The following ANKRD16 variants were observed in gnomAD, a reference collection of about 807,000 sequenced individuals.
The protein encoded by ANKRD16 is ankyrin repeat domain-containing protein 16.
A neutral mutation model predicts 37.9 loss-of-function variants in ANKRD16; 35 were observed. The ratio of observed to expected loss-of-function variants is 0.92; its 90% CI spans 0.71 to 1.23. ANKRD16 has a LOEUF of 1.23. Ranked by LOEUF, ANKRD16 falls within the 50% of genes most tolerant of loss-of-function variation. The pLI, the probability that ANKRD16 is intolerant of heterozygous loss-of-function variation, is 0.00. For missense variants in ANKRD16, 480 were observed against 469.9 expected (o/e 1.02, Z -0.20); for synonymous variants, 206 against 197.2 (o/e 1.04, Z -0.37).
At position 5,870,981 on chromosome 10, in the gene ANKRD16, G is replaced by A. The variant is rs561862927; in HGVS notation, c.*33+7116C>T. Among the ~76,000 whole-genome samples, 1 of 152,184 alleles carries A rather than the reference G, an allele frequency of 6.6e-6. No individual in the cohort carries two copies. Among genetic ancestry groups the A allele is most frequent in the South Asian group, 2.1e-4 (1 of 4,832 alleles). On this transcript the variant is annotated intron_variant, in intron 7 of 7. Transcript: ENST00000380094. The surrounding 1 kb of genome is among the most constrained non-coding windows in gnomAD (Gnocchi z 5.0). ...TTTTCAGCATGGTAGGAGGAGGCAGGTTCTGCAAATGCTGCAGGGTGGGTT... is the reference window on the plus strand; with the variant it reads ...TTTTCAGCATGGTAGGAGGAGGCAGATTCTGCAAATGCTGCAGGGTGGGTT...
chr10:5,875,729 T>G (rs1842172692), intron 7 of ANKRD16, among the ~76,000 whole-genome samples: 4 of 150,924 alleles, frequency 2.7e-5, no homozygotes, highest in Admixed American at 1.3e-4. Flanking sequence ...TTTTTTTTTT[T>G]TGAGACAGAG....
intron 5 of ANKRD16, among the ~76,000 whole-genome samples, chr10:5,881,438 T>TTA (rs869185709): frequency 0.036 from 1,827 of 50,450 alleles, 13 homozygotes; most frequent in Non-Finnish European, 0.041. Flanking sequence ...AAAATATTAT[T>TTA]TATATATATA....
rs577279705 is a variant in ANKRD16, at chr10:5,863,290, G to A, written c.*34-599C>T. On this transcript the variant is annotated intron_variant, in intron 7 of 7. Coordinates refer to ENST00000380094, the MANE Select transcript of ANKRD16 (RefSeq NM_019046.3). The surrounding 1 kb of genome is among the most constrained non-coding windows in gnomAD (Gnocchi z 4.7). ...CACTGGGCCTGAGGTGAATGTTACT[G>A]TGCTGTACGCTCACAAAGTTAGAGG... Among the ~76,000 whole-genome samples the A allele has an allele frequency of 6.8e-4, 103 of 152,082 alleles. No homozygotes were observed. The highest frequency in any genetic ancestry group is 3.3e-3 in the South Asian group (16 of 4,802).
In ANKRD16 at chr10:5,878,394, C is replaced by A. The variant is rs1415806590; in HGVS notation, c.929-107G>T. 1.9e-5 allele frequency: 20 copies of A among 1,036,154 alleles called. No homozygotes were observed. 64.2% of individuals were successfully genotyped at this position (1,036,154 alleles called of 1,614,324 possible). ...AAAATATCAATTCTTTCAATATCTT[C>A]CGTAATCCATCTTCACAACTTCACC... On this transcript the variant is annotated intron_variant, in intron 6 of 7. Coordinates refer to ENST00000380094, the MANE Select transcript of ANKRD16 (RefSeq NM_019046.3). The surrounding 1 kb of genome is among the most constrained non-coding windows in gnomAD (Gnocchi z 5.1).
chr10:5,873,663 G>A (rs969687709), intron 7 of ANKRD16, among the ~76,000 whole-genome samples: 4 of 152,076 alleles, frequency 2.6e-5, no homozygotes, highest in East Asian at 1.9e-4. Context: ...GCAACGTCCT[G>A]GGTTAAATTA....
At chr10:5,881,908 C>T (rs1446504572) in intron 5 of ANKRD16, among the ~76,000 whole-genome samples, 2 of 151,630 alleles carry the variant, frequency 1.3e-5, no homozygotes, top group Admixed American at 6.6e-5. Context: ...AGGATGGTCT[C>T]GATCTCCTGA....
intron 5 of ANKRD16, among the ~76,000 whole-genome samples, chr10:5,880,825 T>C (rs1407903037): frequency 6.6e-6 from 1 of 152,216 alleles, no homozygotes; most frequent in Non-Finnish European, 1.5e-5. Flanking sequence ...ATTTTTTTTC[T>C]TTTGGCAGAG....
Position 5,863,011 on chromosome 10 carries a change from C to T in ANKRD16, c.*34-320G>A, listed in dbSNP as rs74492186. ...AATTCTGACTTTCCACCTACTGTCCCGGAGCAGCTGACTGTGGTGGAGAAA... is the reference window on the plus strand; with the variant it reads ...AATTCTGACTTTCCACCTACTGTCCTGGAGCAGCTGACTGTGGTGGAGAAA... On this transcript the variant is annotated intron_variant, in intron 7 of 7. Transcript: ENST00000380094. This position sits in a 1 kb window ranked among gnomAD's most constrained non-coding sequence, Gnocchi z 4.7. Among the ~76,000 whole-genome samples, 6 of 152,216 alleles carry T rather than the reference C, an allele frequency of 3.9e-5. No homozygotes were observed. Among genetic ancestry groups the T allele is most frequent in the South Asian group, 4.2e-4 (2 of 4,818 alleles).
At chr10:5,872,490 T>C (rs1182399201) in intron 7 of ANKRD16, among the ~76,000 whole-genome samples, 2 of 151,974 alleles carry the variant, frequency 1.3e-5, no homozygotes, top group South Asian at 2.1e-4. Flanking sequence ...AATAAATAAA[T>C]AAACAAAGTT....
intron 6 of ANKRD16, 52 bp downstream of exon 6, chr10:5,880,246 T>C (rs1316893055): frequency 2.4e-6 from 2 of 848,632 alleles, no homozygotes. Context: ...AAAAGTGTAT[T>C]GGTTATACTC....
At chr10:5,880,965 C>CTTT (rs36119022) in intron 5 of ANKRD16, 26 of 136,738 alleles carry the variant, frequency 1.9e-4, no homozygotes, top group East Asian at 8.2e-4. Flanking sequence ...CTAATTTATT[C>CTTT]TTTTTTTTTT....
intron 7 of ANKRD16, among the ~76,000 whole-genome samples, chr10:5,877,213 G>A (rs867564023): frequency 3.3e-5 from 5 of 152,130 alleles, no homozygotes; most frequent in Admixed American, 1.3e-4. Context: ...CCTGGGTTCA[G>A]GCAATTCTCG....
At chr10:5,883,287 A>G (rs1842351354) in intron 4 of ANKRD16, 120 bp from the exon 5 acceptor site, 2 of 995,064 alleles carry the variant, frequency 2.0e-6, no homozygotes, top group Non-Finnish European at 1.4e-6. Context: ...CTCTGGGCAG[A>G]GGATATGTGG....
intron 6 of ANKRD16, 56 bp downstream of exon 6, chr10:5,880,242 G>T: frequency 3.7e-5 from 22 of 595,828 alleles, no homozygotes; most frequent in Non-Finnish European, 5.0e-5. Flanking sequence ...ATATAAAAGT[G>T]TATTGGTTAT....
intron 3 of ANKRD16, 122 bp downstream of exon 3, chr10:5,885,601 A>C: frequency 1.0e-6 from 1 of 997,470 alleles, no homozygotes; most frequent in South Asian, 1.5e-5. Flanking sequence ...TCTTTTGTTC[A>C]TTTTTCTTTT....
At chr10:5,876,267 A>T (rs950172198) in intron 7 of ANKRD16, among the ~76,000 whole-genome samples, 7 of 152,208 alleles carry the variant, frequency 4.6e-5, no homozygotes, top group African/African-American at 1.4e-4. Context: ...GGTTTCTATT[A>T]CAAAGGTGCG....
At chr10:5,887,706 C>CCCCCCCG in intron 2 of ANKRD16, 141 bp downstream of exon 2, 1 of 186,344 alleles carries the variant, frequency 5.4e-6, no homozygotes, top group Non-Finnish European at 1.1e-5. Context: ...CCCCCTCCCC[C>CCCCCCCG]CCAGATGTTC....
In ANKRD16 at chr10:5,878,635, T is replaced by C. The variant is rs1048524483; in HGVS notation, c.929-348A>G. On this transcript the variant is annotated intron_variant, in intron 6 of 7. Coordinates refer to ENST00000380094, the MANE Select transcript of ANKRD16 (RefSeq NM_019046.3). This position sits in a 1 kb window ranked among gnomAD's most constrained non-coding sequence, Gnocchi z 5.1. ...CAACATGGTGAAACCCCATCTCTAA[T>C]AAAAATTAAAAAATTAGCCGGGCGT... Among the ~76,000 whole-genome samples the C allele has an allele frequency of 1.3e-5, 2 of 151,600 alleles. No individual in the cohort carries two copies. The highest frequency in any genetic ancestry group is 2.1e-4 in the South Asian group (1 of 4,802).
rs1233799527 is a variant in ANKRD16 at position 5,863,908 on chromosome 10, C to T, written c.*34-1217G>A. The stretch of plus-strand genomic sequence containing the variant: ...AAAGTCCGGATACATTTTGGCGACC[C>T]AGATGGGAAACACTCAGGCATCAAC... On this transcript the variant is annotated intron_variant, in intron 7 of 7. Transcript: ENST00000380094. The surrounding 1 kb of genome is among the most constrained non-coding windows in gnomAD (Gnocchi z 4.7). Among the ~76,000 whole-genome samples the T allele has an allele frequency of 1.3e-5, 2 of 152,092 alleles. No homozygotes were observed. The highest frequency in any genetic ancestry group is 2.4e-5 in the African/African-American group (1 of 41,364).
Sources: allele counts gnomAD v4.1 joint callset (sites outside exome capture counted in the v4.1 genomes callset), GRCh38; gene constraint gnomAD v4.1.1; non-coding constraint Gnocchi (gnomAD v3.1); transcripts MANE v1.5; gene names NCBI Gene and HGNC (gene_info 2026-07-23, HGNC 2026-07-21).